Variants in GHR observed in about 807,000 individuals in gnomAD.
The protein encoded by GHR is GH receptor.
GHR carries 35 observed loss-of-function variants against 67.1 expected under a neutral mutation model. That is an observed-to-expected ratio of 0.52 (90% CI 0.40 to 0.69). GHR has a LOEUF of 0.69. Ranked by LOEUF, GHR falls within the 30% of genes least tolerant of loss-of-function variation. GHR has a pLI of 0.00. For missense variants in GHR, 792 were observed against 764.6 expected, an observed-to-expected ratio of 1.04 and a Z score of -0.42; for synonymous variants, 272 against 269.1, an observed-to-expected ratio of 1.01 and a Z score of -0.10.
At chr5:42,449,487 T>G (rs1374716889) in intron 1 of GHR, among the ~76,000 whole-genome samples, 1 of 152,216 alleles carries the variant, frequency 6.6e-6, no homozygotes, top group East Asian at 1.9e-4. Flanking sequence ...CATTGATTTT[T>G]GATCCTGAAA....
intron 1 of GHR, among the ~76,000 whole-genome samples, chr5:42,538,557 T>C (rs1002127914): frequency 6.6e-6 from 1 of 152,218 alleles, no homozygotes; most frequent in Non-Finnish European, 1.5e-5. Flanking sequence ...GCTAATCTGA[T>C]AGATTTTCCT....
At chr5:42,598,326 T>C (rs1291683761) in intron 2 of GHR, among the ~76,000 whole-genome samples, 1 of 152,172 alleles carries the variant, frequency 6.6e-6, no homozygotes, top group Non-Finnish European at 1.5e-5. Context: ...TTCCTTTCAG[T>C]AATAGCAAGA....
intron 1 of GHR, among the ~76,000 whole-genome samples, chr5:42,526,749 A>G (rs1334630549): frequency 6.6e-6 from 1 of 152,150 alleles, no homozygotes; most frequent in Non-Finnish European, 1.5e-5. Context: ...GCAAGATTCT[A>G]CACAAGAAGA....
chr5:42,670,880 A>ATATAT (rs58161451), intron 3 of GHR, among the ~76,000 whole-genome samples: 205 of 118,172 alleles, frequency 1.7e-3, no homozygotes, highest in African/African-American at 5.4e-3. Context: ...AAAAAAAAAA[A>ATATAT]ATATATATAT....
intron 1 of GHR, among the ~76,000 whole-genome samples, chr5:42,449,920 G>A (rs1401636602): frequency 1.3e-5 from 2 of 152,020 alleles, no homozygotes; most frequent in Non-Finnish European, 2.9e-5. Flanking sequence ...TGTTTATGTG[G>A]TGTATCACAT....
chr5:42,455,093 T>A (rs1744206349), intron 1 of GHR, among the ~76,000 whole-genome samples: 2 of 152,144 alleles, frequency 1.3e-5, no homozygotes, highest in Admixed American at 1.3e-4. Context: ...ACTTTTGTGT[T>A]TCACGTGGCT....
intron 1 of GHR, among the ~76,000 whole-genome samples, chr5:42,524,641 T>C (rs1044920332): frequency 6.6e-6 from 1 of 152,172 alleles, no homozygotes; most frequent in East Asian, 1.9e-4. Flanking sequence ...CCCTAGACCA[T>C]GGGGAAAATG....
intron 2 of GHR, among the ~76,000 whole-genome samples, chr5:42,600,772 G>A (rs1188667033): frequency 2.0e-5 from 3 of 152,280 alleles, no homozygotes; most frequent in African/African-American, 4.8e-5. Context: ...CCTAAAGAGA[G>A]GAGTTTAATG....
chr5:42,510,080 AT>A (rs1391753344), intron 1 of GHR, among the ~76,000 whole-genome samples: 2 of 152,168 alleles, frequency 1.3e-5, no homozygotes, highest in Non-Finnish European at 1.5e-5. Context: ...TCCGTCAGTT[AT>A]CCCCATTGCA....
At chr5:42,442,440 G>T (rs1260246984) in intron 1 of GHR, among the ~76,000 whole-genome samples, 1 of 152,150 alleles carries the variant, frequency 6.6e-6, no homozygotes, top group Non-Finnish European at 1.5e-5. Flanking sequence ...TGAAAAGATT[G>T]CAAAGGAGTT....
chr5:42,475,360 GCCTGAGGGT>G (rs1745256519), intron 1 of GHR, among the ~76,000 whole-genome samples: 5 of 152,174 alleles, frequency 3.3e-5, no homozygotes, highest in African/African-American at 1.2e-4. Context: ...AGGAGTTGAA[GCCTGAGGGT>G]CCCTCACTTG....
intron 1 of GHR, chr5:42,467,128 C>T: frequency 6.3e-7 from 1 of 1,598,628 alleles, no homozygotes; most frequent in Non-Finnish European, 8.6e-7. Flanking sequence ...ACATTCATTA[C>T]ACACAAAAGG....
chr5:42,556,574 G>A (rs891759677), intron 1 of GHR, among the ~76,000 whole-genome samples: 8 of 152,092 alleles, frequency 5.3e-5, no homozygotes, highest in Admixed American at 5.2e-4. Context: ...TTCAAATTTT[G>A]TTTTGGAAAA....
At chr5:42,640,663 G>A (rs929820537) in intron 3 of GHR, among the ~76,000 whole-genome samples, 10 of 151,984 alleles carry the variant, frequency 6.6e-5, no homozygotes, top group Non-Finnish European at 1.3e-4. Flanking sequence ...TCAAATCCCA[G>A]AGAAGGCCTA....
At chr5:42,577,938 A>G (rs891416325) in intron 2 of GHR, among the ~76,000 whole-genome samples, 3 of 152,342 alleles carry the variant, frequency 2.0e-5, no homozygotes, top group Admixed American at 2.0e-4. Flanking sequence ...TAGTACGTTA[A>G]GTAAATTTCC....
chr5:42,705,908 C>A (rs2111780168), intron 6 of GHR, among the ~76,000 whole-genome samples: 1 of 152,122 alleles, frequency 6.6e-6, no homozygotes, highest in South Asian at 2.1e-4. Flanking sequence ...AGGTATATAC[C>A]CAATAACGGG....
chr5:42,654,370 G>C (rs1056892590), intron 3 of GHR, among the ~76,000 whole-genome samples: 13 of 152,200 alleles, frequency 8.5e-5, no homozygotes, highest in African/African-American at 2.2e-4. Flanking sequence ...GTAGGCAAAT[G>C]CATGTCCCGA....
chr5:42,588,679 C>A (rs1374925313), intron 2 of GHR, among the ~76,000 whole-genome samples: 1 of 151,922 alleles, frequency 6.6e-6, no homozygotes, highest in African/African-American at 2.4e-5. Flanking sequence ...ACTGGAAATT[C>A]TGCCCTTTTT....
chr5:42,713,460 C>T lies in GHR; in HGVS notation c.816C>T (p.Ile272=), dbSNP rs750197673. The stretch of plus-strand genomic sequence containing the variant: ...ACTTTCCATGGCTCTTAATTATTAT[C>T]TTTGGAATATTTGGGCTAACAGTGA... ...DFYFPWLLII[I]FGIFGLTVML... is the part of the protein sequence containing the mutation. The change falls in exon 8 of 10, where the codon ATC becomes ATT. Residue 272 remains isoleucine (I), a synonymous_variant. Coordinates refer to ENST00000230882, the MANE Select transcript of GHR (RefSeq NM_000163.5). The T allele has an allele frequency of 6.0e-6, 9 of 1,498,116 alleles. No individual in the cohort carries two copies. The South Asian group carries it at 1.0e-4, about 17-fold the overall frequency. 92.8% of individuals were successfully genotyped at this position (1,498,116 alleles called of 1,614,324 possible).
Sources: allele counts gnomAD v4.1 joint callset (sites outside exome capture counted in the v4.1 genomes callset), GRCh38; gene constraint gnomAD v4.1.1; transcripts MANE v1.5; gene names NCBI Gene and HGNC (gene_info 2026-07-23, HGNC 2026-07-21).